Variants in DEPDC1B observed in about 807,000 individuals in gnomAD.
DEPDC1B encodes DEP domain containing 1B.
A neutral mutation model predicts 66.5 loss-of-function variants in DEPDC1B; 51 were observed. That is an observed-to-expected ratio of 0.77 (90% confidence interval 0.61 to 0.97). DEPDC1B has a LOEUF of 0.97. Among genes scored for constraint, DEPDC1B ranks in the 50% least tolerant of loss-of-function variants. DEPDC1B has a pLI of 0.00. For missense variants in DEPDC1B, 552 were observed against 637.1 expected, an observed-to-expected ratio of 0.87 and a Z score of 1.44; for synonymous variants, 226 against 223.6, an observed-to-expected ratio of 1.01 and a Z score of -0.10.
chr5:60,618,922 T>G (rs929323190), intron 7 of DEPDC1B, among the ~76,000 whole-genome samples: 2 of 152,074 alleles, frequency 1.3e-5, no homozygotes, highest in African/African-American at 4.8e-5. Context: ...CAGCAGCACA[T>G]CAAAAAGCTG....
intron 2 of DEPDC1B, among the ~76,000 whole-genome samples, chr5:60,651,889 C>A (rs1753465935): frequency 1.3e-5 from 2 of 152,300 alleles, no homozygotes; most frequent in East Asian, 3.9e-4. Flanking sequence ...CAACTGGTTT[C>A]TTTTATAACA....
At chr5:60,697,279 G>C (rs1278310845) in intron 1 of DEPDC1B, among the ~76,000 whole-genome samples, 38 of 151,826 alleles carry the variant, frequency 2.5e-4, no homozygotes, top group Admixed American at 2.5e-3. Context: ...TGGTGCTTTA[G>C]AAAAAGCACC....
chr5:60,652,096 T>G (rs1400249212), intron 2 of DEPDC1B, among the ~76,000 whole-genome samples: 1 of 148,950 alleles, frequency 6.7e-6, no homozygotes, highest in Non-Finnish European at 1.5e-5. Flanking sequence ...TTATGCTGAG[T>G]GAGGTAGCCA....
intron 9 of DEPDC1B, among the ~76,000 whole-genome samples, chr5:60,600,068 G>C (rs1752173532): frequency 1.3e-5 from 2 of 152,164 alleles, no homozygotes; most frequent in African/African-American, 4.8e-5. Flanking sequence ...TCAAAACATT[G>C]ATAATGTTGG....
chr5:60,611,530 C>G (rs1251807625), intron 7 of DEPDC1B, among the ~76,000 whole-genome samples: 1 of 152,202 alleles, frequency 6.6e-6, no homozygotes, highest in Non-Finnish European at 1.5e-5. Context: ...TGCCAAACAG[C>G]CAAGTTATGA....
In DEPDC1B at chr5:60,642,852, A is replaced by C; in HGVS notation, c.717T>G (p.Leu239=). The C allele has an allele frequency of 6.2e-7, 1 of 1,611,452 alleles. No individual in the cohort carries two copies. Among genetic ancestry groups the C allele is most frequent in the African/African-American group, 1.3e-5 (1 of 74,974 alleles). Residue 239 remains leucine, a synonymous_variant, in exon 6 of 11, where the codon CTT becomes CTG. Coordinates refer to ENST00000265036, the MANE Select transcript of DEPDC1B (RefSeq NM_018369.3). ...VVILDDKSKE[L]PHWVLSAMKC... is the part of the protein sequence containing the mutation. Reference sequence around the variant, plus strand: ...TCATAGCTGACAGCACCCAATGAGGAAGTTCTTCTGAAGGAAAAAGAAAAT... The same window carrying C: ...TCATAGCTGACAGCACCCAATGAGGCAGTTCTTCTGAAGGAAAAAGAAAAT...
At chr5:60,689,598 C>T (rs1480106372) in intron 1 of DEPDC1B, among the ~76,000 whole-genome samples, 3 of 152,042 alleles carry the variant, frequency 2.0e-5, no homozygotes, top group Admixed American at 1.3e-4. Flanking sequence ...ATAATAGTCT[C>T]ATCTCCATAT....
chr5:60,661,951 C>T (rs1000346455), intron 2 of DEPDC1B, among the ~76,000 whole-genome samples: 6 of 152,092 alleles, frequency 3.9e-5, no homozygotes, highest in African/African-American at 1.2e-4. Flanking sequence ...CACCATAATA[C>T]AGGGAAAGAA....
chr5:60,647,416 T>A lies in DEPDC1B; in HGVS notation c.432A>T (p.Pro144=). Residue 144 remains proline (P), a synonymous_variant, in exon 3 of 11, where the codon CCA becomes CCT. Transcript: ENST00000265036. ...LPPGTSQENI[P]VRPVVMNSEM... ...CACTTACCATCACAACTGGCCTCAC[T>A]GGGATGTTCTCTTGTGAAGTGCCTG... 6.2e-7 allele frequency: 1 copy of A among 1,608,712 alleles called. No homozygotes were observed. Among genetic ancestry groups the A allele is most frequent in the Non-Finnish European group, 8.5e-7 (1 of 1,178,286 alleles).
At chr5:60,678,491 A>G (rs2034530710) in intron 2 of DEPDC1B, among the ~76,000 whole-genome samples, 1 of 152,244 alleles carries the variant, frequency 6.6e-6, no homozygotes, top group Non-Finnish European at 1.5e-5. Flanking sequence ...TAACTTTTCC[A>G]AAGTGACTAA....
intron 7 of DEPDC1B, among the ~76,000 whole-genome samples, chr5:60,616,075 G>C (rs1169267916): frequency 6.6e-6 from 1 of 152,200 alleles, no homozygotes; most frequent in East Asian, 1.9e-4. Flanking sequence ...ACCTGCAGCT[G>C]AGGGTCCTAA....
chr5:60,654,117 G>T (rs1003434838), intron 2 of DEPDC1B, among the ~76,000 whole-genome samples: 1 of 148,928 alleles, frequency 6.7e-6, no homozygotes, highest in African/African-American at 2.5e-5. Flanking sequence ...TAAATTTTAG[G>T]ATTGTTTTTA....
chr5:60,647,394 T>C lies in DEPDC1B; in HGVS notation c.450+4A>G, dbSNP rs780868483. 1.1e-5 allele frequency: 18 copies of C among 1,597,958 alleles called. No homozygotes were observed. Among genetic ancestry groups the C allele is most frequent in the African/African-American group, 2.7e-5 (2 of 73,698 alleles). ...CCCTTCCATCTTTCAGTCATGGCACTTACCATCACAACTGGCCTCACTGGG... is the reference window on the plus strand; with the variant it reads ...CCCTTCCATCTTTCAGTCATGGCACCTACCATCACAACTGGCCTCACTGGG... On this transcript the variant is annotated splice_donor_region_variant and intron_variant, in intron 3 of 10. Coordinates refer to ENST00000265036, the MANE Select transcript of DEPDC1B (RefSeq NM_018369.3).
At chr5:60,655,007 T>C (rs1753544762) in intron 2 of DEPDC1B, among the ~76,000 whole-genome samples, 3 of 149,448 alleles carry the variant, frequency 2.0e-5, no homozygotes, top group Admixed American at 2.0e-4. Context: ...CTTTTTGATA[T>C]GCTGTTGGAT....
chr5:60,645,659 C>A, intron 3 of DEPDC1B, 40 bp from the exon 4 acceptor site: 2 of 1,567,444 alleles, frequency 1.3e-6, no homozygotes, highest in Non-Finnish European at 8.7e-7. Flanking sequence ...GAAGGAGAAA[C>A]GGTAGAAAGA....
intron 1 of DEPDC1B, among the ~76,000 whole-genome samples, chr5:60,689,294 T>C (rs1561394662): frequency 2.0e-5 from 3 of 152,232 alleles, no homozygotes; most frequent in East Asian, 3.8e-4. Context: ...TCAGCTTCTT[T>C]CTCCTTATAT....
chr5:60,683,939 A>G (rs1169626534), intron 2 of DEPDC1B, among the ~76,000 whole-genome samples: 1 of 152,178 alleles, frequency 6.6e-6, no homozygotes, highest in African/African-American at 2.4e-5. Flanking sequence ...AAAAATCAGT[A>G]GCATTTCTAT....
intron 2 of DEPDC1B, among the ~76,000 whole-genome samples, chr5:60,660,407 A>G (rs1753686861): frequency 1.3e-5 from 2 of 152,158 alleles, no homozygotes; most frequent in Admixed American, 1.3e-4. Flanking sequence ...TTTAAAACCT[A>G]TAATTAATAA....
chr5:60,636,649 T>A (rs1212684131), intron 7 of DEPDC1B, among the ~76,000 whole-genome samples: 2 of 152,108 alleles, frequency 1.3e-5, no homozygotes, highest in African/African-American at 2.4e-5. Flanking sequence ...GTTAAACAGA[T>A]AAACTGTGGT....
Sources: allele counts gnomAD v4.1 joint callset (sites outside exome capture counted in the v4.1 genomes callset), GRCh38; gene constraint gnomAD v4.1.1; transcripts MANE v1.5; gene names NCBI Gene and HGNC (gene_info 2026-07-23, HGNC 2026-07-21).